ERC2: variants seen among roughly 807,000 people sequenced by gnomAD.
ERC2 encodes ELKS/RAB6-interacting/CAST family member 2.
A neutral mutation model predicts 114.8 loss-of-function variants in ERC2; 42 were observed. That is an observed-to-expected ratio of 0.37 (90% confidence interval 0.29 to 0.47). The LOEUF (loss-of-function observed/expected upper bound fraction) is 0.47. Among genes scored for constraint, ERC2 ranks in the 20% least tolerant of loss-of-function variants. The pLI is 0.99. For missense variants in ERC2, 939 were observed against 1,150.7 expected (o/e 0.82, Z 2.66); for synonymous variants, 454 against 425.5 (o/e 1.07, Z -0.82).
At chr3:55,520,074 A>AT (rs2052805321) in intron 17 of ERC2, among the ~76,000 whole-genome samples, 1 of 151,518 alleles carries the variant, frequency 6.6e-6, no homozygotes, top group Admixed American at 6.6e-5. Context: ...AGGAAAAAAA[A>AT]GGATAAAATT....
intron 17 of ERC2, among the ~76,000 whole-genome samples, chr3:55,581,860 G>T (rs1045168766): frequency 4.6e-5 from 7 of 152,190 alleles, no homozygotes; most frequent in Admixed American, 3.3e-4. Context: ...CCATCAGGGA[G>T]AGTATAACCA....
intron 3 of ERC2, among the ~76,000 whole-genome samples, chr3:56,276,720 A>G (rs1199276628): frequency 1.3e-5 from 2 of 152,192 alleles, no homozygotes; most frequent in African/African-American, 4.8e-5. Flanking sequence ...AGAACAACGC[A>G]TGTGCTAGTG....
In ERC2 at chr3:55,799,168, CTCAATGTATAA is replaced by C. The variant is rs1347710767; in HGVS notation, c.2565-64261_2565-64251del. On this transcript the variant is annotated intron_variant, in intron 14 of 17. Transcript: ENST00000288221. ...AAAGCTGATCCAGCAACCACCATGGCTCAATGTATAAAGTGCTACTGCAAAGGCCAATGCTG... is the reference window on the plus strand; with the variant it reads ...AAAGCTGATCCAGCAACCACCATGGCAGTGCTACTGCAAAGGCCAATGCTG... Among the ~76,000 whole-genome samples, 17 of 151,994 alleles carry C rather than the reference CTCAATGTATAA, an allele frequency of 1.1e-4. No homozygotes were observed. In the East Asian group the frequency reaches 3.3e-3, roughly 30 times the overall value.
chr3:56,390,685 T>G (rs2060097555), intron 2 of ERC2, among the ~76,000 whole-genome samples: 1 of 152,180 alleles, frequency 6.6e-6, no homozygotes, highest in East Asian at 1.9e-4. Context: ...GCAAGAAGAT[T>G]CTTAAGTTAT....
At chr3:55,862,925 A>C (rs1217078581) in intron 14 of ERC2, among the ~76,000 whole-genome samples, 1 of 152,190 alleles carries the variant, frequency 6.6e-6, no homozygotes, top group Non-Finnish European at 1.5e-5. Flanking sequence ...AAAAGAAAAG[A>C]CATTACTGGA....
chr3:56,411,328 G>A (rs987410496), intron 2 of ERC2, among the ~76,000 whole-genome samples: 7 of 151,536 alleles, frequency 4.6e-5, no homozygotes, highest in African/African-American at 1.7e-4. Flanking sequence ...CCTTCCATCT[G>A]CTTGCCTGCC....
At chr3:55,775,072 C>A (rs181050626) in intron 14 of ERC2, among the ~76,000 whole-genome samples, 1 of 152,262 alleles carries the variant, frequency 6.6e-6, no homozygotes, top group East Asian at 1.9e-4. Flanking sequence ...AAGCAGGAGC[C>A]CAGCTAGCAT....
chr3:55,713,734 C>A (rs2063919657), intron 15 of ERC2, among the ~76,000 whole-genome samples: 1 of 152,174 alleles, frequency 6.6e-6, no homozygotes, highest in Admixed American at 6.5e-5. Context: ...CCTCTGGCAA[C>A]CTCCCTATAG....
Position 55,896,692 on chromosome 3 carries a change from C to T in ERC2, c.2404-8143G>A, listed in dbSNP as rs569619498. On this transcript the variant is annotated intron_variant, in intron 13 of 17. Coordinates refer to ENST00000288221, the MANE Select transcript of ERC2 (RefSeq NM_015576.3). The stretch of plus-strand genomic sequence containing the variant: ...CACTTAAAATAATTTCCTAAAAGGT[C>T]CTCAAATGTGGCAAGACTGGAATTC... 1.5e-4 allele frequency among the ~76,000 whole-genome samples: 23 copies of T among 152,266 alleles called. No homozygotes were observed. In the South Asian group the frequency reaches 3.7e-3, roughly 25 times the overall value.
intron 2 of ERC2, among the ~76,000 whole-genome samples, chr3:56,345,412 C>A (rs1286658266): frequency 6.6e-6 from 1 of 152,148 alleles, no homozygotes; most frequent in Admixed American, 6.5e-5. Context: ...AGAGAAGTTG[C>A]AGGGGATATG....
chr3:56,158,684 A>G (rs2081877167), intron 4 of ERC2, among the ~76,000 whole-genome samples: 1 of 152,124 alleles, frequency 6.6e-6, no homozygotes, highest in South Asian at 2.1e-4. Context: ...CTCAATTTCC[A>G]TAAATAACCT....
At chr3:55,919,766 T>C (rs919836493) in intron 13 of ERC2, among the ~76,000 whole-genome samples, 1 of 152,122 alleles carries the variant, frequency 6.6e-6, no homozygotes, top group African/African-American at 2.4e-5. Flanking sequence ...GGCAGAGCCA[T>C]GTAAATAAGA....
At chr3:55,881,695 T>G (rs779444583) in intron 14 of ERC2, among the ~76,000 whole-genome samples, 1 of 152,180 alleles carries the variant, frequency 6.6e-6, no homozygotes, top group East Asian at 1.9e-4. Context: ...ATTAAATAAC[T>G]GGGCTTTTGT....
Position 56,111,811 on chromosome 3 carries a change from T to C in ERC2, c.1473+27698A>G, listed in dbSNP as rs374560394. 5.3e-5 allele frequency among the ~76,000 whole-genome samples: 8 copies of C among 152,246 alleles called. No homozygotes were observed. The East Asian group carries it at 1.3e-3, about 26-fold the overall frequency. ...AGTTCCAATGACTGTTTTTTAATGT[T>C]TAGCAGCAGTTGCTTGGCTCGGCCA... is the stretch of plus-strand genomic sequence containing the variant. On this transcript the variant is annotated intron_variant, in intron 6 of 17. Transcript: ENST00000288221.
chr3:55,841,615 A>G (rs1370887707), intron 14 of ERC2, among the ~76,000 whole-genome samples: 2 of 151,794 alleles, frequency 1.3e-5, no homozygotes, highest in African/African-American at 4.9e-5. Flanking sequence ...GCCATACTAA[A>G]TGCTTTTCAT....
rs2080724156 is a variant in ERC2 at position 56,139,536 on chromosome 3, T to TTCTTTGGCAGTAAGTGAC, written c.1428_1445dup (p.Ser477_Glu482dup). 6.2e-7 allele frequency: 1 copy of TTCTTTGGCAGTAAGTGAC among 1,613,784 alleles called. No individual in the cohort carries two copies. Among genetic ancestry groups the TTCTTTGGCAGTAAGTGAC allele is most frequent in the Non-Finnish European group, 8.5e-7 (1 of 1,179,856 alleles). ...CAGTCTGAAGGATGGCAGCCCTCTG[T>TTCTTTGGCAGTAAGTGAC]TCTTTGGCAGTAAGTGACTCTTTGA... On this transcript the variant is annotated inframe_insertion, in exon 6 of 18. Transcript: ENST00000288221.
chr3:56,003,716 C>A (rs2072254944), intron 10 of ERC2, among the ~76,000 whole-genome samples: 1 of 152,108 alleles, frequency 6.6e-6, no homozygotes, highest in Admixed American at 6.6e-5. Flanking sequence ...ATCAGCAGGA[C>A]CAAAATACTG....
chr3:55,733,671 C>A (rs1217623695), intron 15 of ERC2, among the ~76,000 whole-genome samples: 1 of 152,030 alleles, frequency 6.6e-6, no homozygotes, highest in Non-Finnish European at 1.5e-5. Flanking sequence ...CCTTTTCCTT[C>A]CTGAGGGGTA....
chr3:56,024,519 G>A (rs527262576), intron 7 of ERC2, among the ~76,000 whole-genome samples: 46 of 152,364 alleles, frequency 3.0e-4, no homozygotes, highest in African/African-American at 9.9e-4. Flanking sequence ...GCAGCAGAGA[G>A]AGGGTCCTTC....
Sources: allele counts gnomAD v4.1 joint callset (sites outside exome capture counted in the v4.1 genomes callset), GRCh38; gene constraint gnomAD v4.1.1; transcripts MANE v1.5; gene names NCBI Gene and HGNC (gene_info 2026-07-23, HGNC 2026-07-21).